Variants in METTL15 observed in about 807,000 individuals in gnomAD.
METTL15 encodes methyltransferase 15, mitochondrial 12S rRNA N4-cytidine.
In METTL15, 34 loss-of-function variants were observed where a neutral mutation model predicts 38.3. The observed-to-expected ratio is 0.89, with a 90% CI of 0.68 to 1.18. METTL15 has a LOEUF of 1.18. Among genes scored for constraint, METTL15 ranks in the 50% most tolerant of loss-of-function variants. METTL15 has a pLI of 0.00. For synonymous variants in METTL15, 162 were observed against 170.9 expected (o/e 0.95, Z 0.41); for missense variants, 438 against 498.4 (o/e 0.88, Z 1.15).
At position 28,344,971 on chromosome 11, in the gene METTL15, C is replaced by T. The variant is rs144094888; in HGVS notation, c.*190-7119C>T. 6.8e-3 allele frequency among the ~76,000 whole-genome samples: 1,027 copies of T among 152,012 alleles called. 7 individuals carry two copies. The highest frequency in any genetic ancestry group is 0.023 in the African/African-American group (933 of 41,436). The stretch of plus-strand genomic sequence containing the variant: ...CCATGTAATCAATATAAAAATGGAA[C>T]GTTTTATATTCTTTTTTTGTTCAAG... On this transcript the variant is annotated intron_variant and NMD_transcript_variant, in intron 3 of 7. Transcript: ENST00000532947.
At chr11:28,285,173 G>A (rs1246957916) in intron 4 of METTL15, among the ~76,000 whole-genome samples, 2 of 152,110 alleles carry the variant, frequency 1.3e-5, no homozygotes, top group African/African-American at 2.4e-5. Flanking sequence ...AGAACTGTGA[G>A]TCAACTAAAT....
intron 3 of METTL15, chr11:28,122,003 T>C (rs2133608206): frequency 2.3e-6 from 1 of 440,524 alleles, no homozygotes; most frequent in African/African-American, 2.2e-5. Flanking sequence ...CAATTAAATG[T>C]TGAATTCTTA....
intron 4 of METTL15, among the ~76,000 whole-genome samples, chr11:28,213,390 A>G (rs1011583970): frequency 6.6e-6 from 1 of 152,104 alleles, no homozygotes; most frequent in Non-Finnish European, 1.5e-5. Context: ...AAGTGTGATT[A>G]AGATTCAGAG....
chr11:28,354,945 A>T (rs369788356), intron 4 of METTL15, among the ~76,000 whole-genome samples: 1 of 152,164 alleles, frequency 6.6e-6, no homozygotes, highest in Non-Finnish European at 1.5e-5. Flanking sequence ...AAAATCATCA[A>T]TACAGAGGTG....
chr11:28,411,970 G>C (rs1463003126), intron 5 of METTL15, among the ~76,000 whole-genome samples: 1 of 152,040 alleles, frequency 6.6e-6, no homozygotes, highest in African/African-American at 2.4e-5. Flanking sequence ...ATGTGAAGAT[G>C]GCCAGCAGGT....
intron 4 of METTL15, among the ~76,000 whole-genome samples, chr11:28,239,757 C>T (rs1854206923): frequency 6.6e-6 from 1 of 152,150 alleles, no homozygotes; most frequent in African/African-American, 2.4e-5. Flanking sequence ...TCTTTCAAGT[C>T]TCTGCTCAAA....
intron 3 of METTL15, among the ~76,000 whole-genome samples, chr11:28,169,602 C>T (rs2133759392): frequency 6.6e-6 from 1 of 152,104 alleles, no homozygotes; most frequent in African/African-American, 2.4e-5. Context: ...ATGATGAACA[C>T]TATTTTTTAA....
At chr11:28,403,692 G>T (rs7947147) in intron 5 of METTL15, among the ~76,000 whole-genome samples, 1 of 151,786 alleles carries the variant, frequency 6.6e-6, no homozygotes, top group African/African-American at 2.4e-5. Context: ...CATGACACAA[G>T]ACAATTTCAT....
At chr11:28,234,490 T>C (rs573092258) in intron 4 of METTL15, among the ~76,000 whole-genome samples, 28 of 151,386 alleles carry the variant, frequency 1.8e-4, no homozygotes, top group South Asian at 1.5e-3. Flanking sequence ...TTTTAATGAT[T>C]GCCATTCTAA....
intron 4 of METTL15, among the ~76,000 whole-genome samples, chr11:28,219,683 C>G (rs1853094641): frequency 6.6e-6 from 1 of 152,012 alleles, no homozygotes; most frequent in Admixed American, 6.5e-5. Flanking sequence ...TTCCTGCTTT[C>G]TCTTGTGGGC....
intron 6 of METTL15, among the ~76,000 whole-genome samples, chr11:28,328,675 G>A (rs1265638745): frequency 6.6e-6 from 1 of 152,000 alleles, no homozygotes; most frequent in East Asian, 1.9e-4. Flanking sequence ...TATCTTGTTT[G>A]TATGCCAGTG....
intron 4 of METTL15, among the ~76,000 whole-genome samples, chr11:28,354,448 C>A (rs1850072874): frequency 6.6e-6 from 1 of 152,106 alleles, no homozygotes; most frequent in Admixed American, 6.5e-5. Flanking sequence ...AGAGAGGAAC[C>A]TAACATTGTA....
chr11:28,321,290 T>C (rs1849458241), intron 6 of METTL15, among the ~76,000 whole-genome samples: 1 of 152,190 alleles, frequency 6.6e-6, no homozygotes, highest in Admixed American at 6.5e-5. Flanking sequence ...ATGGAGAAAC[T>C]CAGAAGTGTT....
At chr11:28,395,322 G>A (rs1850556825) in intron 5 of METTL15, among the ~76,000 whole-genome samples, 1 of 151,992 alleles carries the variant, frequency 6.6e-6, no homozygotes, top group Admixed American at 6.6e-5. Context: ...TAAGGAATAG[G>A]GATGGCAAGA....
At chr11:28,395,973 TAGAC>T (rs1166577423) in intron 5 of METTL15, among the ~76,000 whole-genome samples, 2 of 152,082 alleles carry the variant, frequency 1.3e-5, no homozygotes, top group African/African-American at 2.4e-5. Context: ...ATCCAGCACA[TAGAC>T]AGAACCAAAG....
intron 5 of METTL15, among the ~76,000 whole-genome samples, chr11:28,364,539 G>A (rs954251011): frequency 5.3e-5 from 8 of 152,052 alleles, no homozygotes; most frequent in African/African-American, 1.7e-4. Context: ...TTTGTATCCT[G>A]AACTTTTACT....
intron 6 of METTL15, among the ~76,000 whole-genome samples, chr11:28,311,598 A>G (rs923898467): frequency 1.3e-5 from 2 of 152,258 alleles, no homozygotes; most frequent in African/African-American, 4.8e-5. Flanking sequence ...TAAAAAAGCA[A>G]GAATGGTTGA....
intron 3 of METTL15, among the ~76,000 whole-genome samples, chr11:28,157,394 C>T (rs1850299234): frequency 6.6e-6 from 1 of 152,168 alleles, no homozygotes; most frequent in African/African-American, 2.4e-5. Flanking sequence ...TCCAGTGGTG[C>T]TTAAGGTGTC....
At position 28,187,517 on chromosome 11, in the gene METTL15, G is replaced by A. The variant is rs143975401; in HGVS notation, c.271-23545G>A. Reference sequence around the variant, plus strand: ...CCTGGTACATAAGAACACAATAAATGTTTGTGCTTTTTTTTTTTTTTTTAA... The same window carrying A: ...CCTGGTACATAAGAACACAATAAATATTTGTGCTTTTTTTTTTTTTTTTAA... On this transcript the variant is annotated intron_variant, in intron 3 of 6. Coordinates refer to ENST00000407364, the MANE Select transcript of METTL15 (RefSeq NM_001113528.2). 5.5e-3 allele frequency among the ~76,000 whole-genome samples: 742 copies of A among 135,918 alleles called. 11 individuals are homozygous for A. Among genetic ancestry groups the A allele is most frequent in the South Asian group, 0.04 (184 of 4,546 alleles). 89.2% of individuals were successfully genotyped at this position (135,918 alleles called of 152,430 possible). A position where few individuals can be genotyped will look rare whatever the true frequency, so the allele number is the denominator to read the frequency against.
Sources: gnomAD v4.1 joint callset for allele counts (sites outside exome capture counted in the v4.1 genomes callset) on GRCh38, gnomAD v4.1.1 for gene constraint, MANE v1.5 for transcripts, NCBI Gene and HGNC (gene_info 2026-07-23, HGNC 2026-07-21) for gene names.